The following ATP9B variants were observed in gnomAD, a reference collection of about 807,000 sequenced individuals.
The protein encoded by ATP9B is ATPase phospholipid transporting 9B, also known as probable phospholipid-transporting ATPase IIB.
In ATP9B, 110 loss-of-function variants were observed where a neutral mutation model predicts 146.1. The observed-to-expected ratio is 0.75, with a 90% CI of 0.65 to 0.88. The LOEUF is 0.88. ATP9B is among the 40% of genes least tolerant of loss of function. The pLI, the probability that ATP9B is intolerant of heterozygous loss-of-function variation, is 0.00. For missense variants in ATP9B, 1,499 were observed against 1,496.4 expected (o/e 1.00, Z -0.03); for synonymous variants, 604 against 569.7 (o/e 1.06, Z -0.86).
chr18:79,153,432 G>T (rs140205505), intron 6 of ATP9B, among the ~76,000 whole-genome samples: 200 of 152,216 alleles, frequency 1.3e-3, no homozygotes, highest in African/African-American at 4.7e-3. Context: ...TTGTTGGCTT[G>T]TTCAGTCATA....
intron 15 of ATP9B, 192 bp downstream of exon 15, chr18:79,307,426 C>T: frequency 1.2e-6 from 1 of 800,392 alleles, no homozygotes; most frequent in Non-Finnish European, 1.9e-6. Context: ...GGGCCTTGCA[C>T]ATGCAAATGT....
chr18:79,265,481 T>C (rs2096193702), intron 12 of ATP9B, among the ~76,000 whole-genome samples: 1 of 152,176 alleles, frequency 6.6e-6, no homozygotes, highest in Admixed American at 6.5e-5. Context: ...GTTGGCTGCA[T>C]GTTTGTCTTC....
At chr18:79,072,581 C>T (rs1568355921) in intron 1 of ATP9B, among the ~76,000 whole-genome samples, 1 of 151,716 alleles carries the variant, frequency 6.6e-6, no homozygotes, top group Non-Finnish European at 1.5e-5. Context: ...AATCTGATCT[C>T]TCTTTCTTTT....
chr18:79,329,985 CCT>C, intron 16 of ATP9B, 25 bp from the exon 17 acceptor site: 1 of 1,606,040 alleles, frequency 6.2e-7, no homozygotes, highest in South Asian at 1.1e-5. Context: ...CCTAAATGTG[CCT>C]CTGTTTATTT....
intron 15 of ATP9B, among the ~76,000 whole-genome samples, chr18:79,324,153 T>A (rs1832230638): frequency 6.6e-6 from 1 of 152,220 alleles, no homozygotes; most frequent in Admixed American, 6.5e-5. Context: ...ACTCATTTTT[T>A]TCCGATTAAG....
rs943961455 is a variant in ATP9B at position 79,361,792 on chromosome 18, G to A, written c.3012+2330G>A. On this transcript the variant is annotated intron_variant, in intron 26 of 29. Transcript: ENST00000426216. ...TCTGCGTTGTTGTCTGATGATCGGG[G>A]CAGCTGGAGACTGGATGTGCCAACG... is the stretch of plus-strand genomic sequence containing the variant. The A allele has an allele frequency of 5.1e-6, 5 of 985,320 alleles. No homozygotes were observed. The African/African-American group carries it at 8.7e-5, about 17-fold the overall frequency. 61.0% of individuals were successfully genotyped at this position (985,320 alleles called of 1,614,324 possible). A position where few individuals can be genotyped will look rare whatever the true frequency, so the allele number is the denominator to read the frequency against.
intron 5 of ATP9B, among the ~76,000 whole-genome samples, chr18:79,140,790 CA>C (rs1482168859): frequency 6.6e-6 from 1 of 150,810 alleles, no homozygotes; most frequent in Non-Finnish European, 1.5e-5. Flanking sequence ...CAAACAGCAG[CA>C]AAAAAAAGAG....
At chr18:79,365,660 G>C (rs1303522570) in intron 26 of ATP9B, among the ~76,000 whole-genome samples, 1 of 151,822 alleles carries the variant, frequency 6.6e-6, no homozygotes, top group Non-Finnish European at 1.5e-5. Context: ...GCCCATGCGT[G>C]GATGGAAGGA....
intron 8 of ATP9B, among the ~76,000 whole-genome samples, chr18:79,179,235 T>C (rs879531451): frequency 1.3e-5 from 2 of 152,170 alleles, no homozygotes; most frequent in Admixed American, 6.5e-5. Context: ...TCAAAGAACT[T>C]GTTTTTGGTT....
chr18:79,368,300 A>G (rs2097047691), intron 26 of ATP9B, among the ~76,000 whole-genome samples: 2 of 152,246 alleles, frequency 1.3e-5, no homozygotes, highest in African/African-American at 4.8e-5. Context: ...CCCGGGCTGG[A>G]GAATCACTTG....
rs147031592 is a variant in ATP9B at position 79,257,242 on chromosome 18, G to A, written c.1268+3701G>A. On this transcript the variant is annotated intron_variant, in intron 12 of 29. Transcript: ENST00000426216. The stretch of plus-strand genomic sequence containing the variant: ...TTGAACCCAGGAGGCAGAGGTTGCA[G>A]TGAGCTGAGACCGTGCCACTGCACT... Among the ~76,000 whole-genome samples the A allele has an allele frequency of 7.5e-3, 1,147 of 152,336 alleles. 17 individuals carry two copies. Among genetic ancestry groups the A allele is most frequent in the African/African-American group, 0.026 (1,101 of 41,568 alleles).
chr18:79,310,727 A>G (rs1012136620), intron 15 of ATP9B, among the ~76,000 whole-genome samples: 1 of 152,202 alleles, frequency 6.6e-6, no homozygotes, highest in African/African-American at 2.4e-5. Context: ...GGGGAAGGAA[A>G]GATATACACA....
At chr18:79,121,402 TATAGC>T (rs2147129519) in intron 4 of ATP9B, among the ~76,000 whole-genome samples, 1 of 152,292 alleles carries the variant, frequency 6.6e-6, no homozygotes, top group African/African-American at 2.4e-5. Context: ...GGAGCAGTGT[TATAGC>T]ATAAATCTCT....
At chr18:79,221,823 T>C (rs2095680552) in intron 11 of ATP9B, among the ~76,000 whole-genome samples, 1 of 151,890 alleles carries the variant, frequency 6.6e-6, no homozygotes, top group Admixed American at 6.6e-5. Context: ...TTTTTTTTTT[T>C]TTAAACTTCT....
In ATP9B at chr18:79,337,311, C is replaced by T. The variant is rs756470615; in HGVS notation, c.2145C>T (p.His715=). 7.4e-6 allele frequency: 12 copies of T among 1,614,100 alleles called. No individual in the cohort carries two copies. The highest frequency in any genetic ancestry group is 3.3e-5 in the Admixed American group (2 of 60,022). ...SRYTQAKLSM[H]DRSLKVAAVV... is the part of the protein sequence containing the mutation. ...ACACTCAAGCCAAGCTGAGCATGCA[C>T]GACAGGTCCCTCAAGGTGGCCGCGG... The change falls in exon 19 of 30, where the codon CAC becomes CAT. Residue 715 remains histidine (H), a synonymous_variant. Transcript: ENST00000426216.
chr18:79,269,015 C>G (rs1485371916), intron 12 of ATP9B, among the ~76,000 whole-genome samples: 1 of 152,178 alleles, frequency 6.6e-6, no homozygotes, highest in Non-Finnish European at 1.5e-5. Flanking sequence ...GTACGCTCTA[C>G]CCTACATAAT....
intron 1 of ATP9B, among the ~76,000 whole-genome samples, chr18:79,084,119 A>G (rs1452041082): frequency 1.3e-5 from 2 of 150,408 alleles, no homozygotes; most frequent in African/African-American, 4.9e-5. Flanking sequence ...GGCCTCCCAA[A>G]TTGCTGGGAT....
chr18:79,349,828 G>A (rs2096912523), intron 25 of ATP9B, among the ~76,000 whole-genome samples: 1 of 151,772 alleles, frequency 6.6e-6, no homozygotes, highest in African/African-American at 2.4e-5. Context: ...CTCCACACAT[G>A]ATGTCCCCTT....
intron 11 of ATP9B, among the ~76,000 whole-genome samples, chr18:79,240,303 T>C (rs1383280707): frequency 2.0e-5 from 3 of 152,188 alleles, no homozygotes; most frequent in Non-Finnish European, 4.4e-5. Context: ...ATGAAAATGG[T>C]AGAAGAAAAA....
Sources: gnomAD v4.1 joint callset for allele counts (sites outside exome capture counted in the v4.1 genomes callset) on GRCh38, gnomAD v4.1.1 for gene constraint, MANE v1.5 for transcripts, NCBI Gene and HGNC (gene_info 2026-07-23, HGNC 2026-07-21) for gene names.